The following CFAP299 variants were observed in gnomAD, a reference collection of about 807,000 sequenced individuals.
The protein encoded by CFAP299 is cilia- and flagella-associated protein 299.
Under a neutral mutation model 27.0 loss-of-function variants are expected in CFAP299, and 21 were observed. That is an observed-to-expected ratio of 0.78 (90% confidence interval 0.55 to 1.12). CFAP299 has a LOEUF of 1.12. CFAP299 is among the 50% of genes most tolerant of loss of function. CFAP299 has a pLI of 0.00. For synonymous variants in CFAP299, 104 were observed against 98.1 expected (o/e 1.06, Z -0.36); for missense variants, 310 against 276.6 (o/e 1.12, Z -0.86).
chr4:80,775,114 C>T (rs1274043462), intron 3 of CFAP299, among the ~76,000 whole-genome samples: 1 of 150,316 alleles, frequency 6.7e-6, no homozygotes, highest in South Asian at 2.1e-4. Context: ...AAACTATTTT[C>T]AAAGAGTAAT....
At chr4:80,827,154 C>T (rs1012041745) in intron 3 of CFAP299, among the ~76,000 whole-genome samples, 20 of 151,736 alleles carry the variant, frequency 1.3e-4, no homozygotes, top group African/African-American at 4.8e-4. Flanking sequence ...TCATATAAAT[C>T]TATCTGAAAC....
chr4:80,368,323 G>A (rs1723946872), intron 2 of CFAP299, among the ~76,000 whole-genome samples: 1 of 152,132 alleles, frequency 6.6e-6, no homozygotes, highest in African/African-American at 2.4e-5. Context: ...GTGATTTAGA[G>A]TAGGGCTCTT....
intron 3 of CFAP299, among the ~76,000 whole-genome samples, chr4:80,819,912 C>A (rs1729613578): frequency 6.6e-6 from 1 of 152,142 alleles, no homozygotes; most frequent in South Asian, 2.1e-4. Flanking sequence ...AGCCAAAGTT[C>A]TTGAGAACCA....
At chr4:80,861,243 C>T (rs1043151381) in intron 3 of CFAP299, among the ~76,000 whole-genome samples, 5 of 152,264 alleles carry the variant, frequency 3.3e-5, no homozygotes, top group South Asian at 2.1e-4. Flanking sequence ...CCTGGTGCGC[C>T]GTTTTTTAAG....
At chr4:80,489,551 G>T (rs1731009396) in intron 2 of CFAP299, among the ~76,000 whole-genome samples, 1 of 152,150 alleles carries the variant, frequency 6.6e-6, no homozygotes, top group African/African-American at 2.4e-5. Flanking sequence ...AGAGTGCCTA[G>T]GGAAAGACGT....
At chr4:80,701,830 T>C (rs1160904992) in intron 3 of CFAP299, among the ~76,000 whole-genome samples, 1 of 152,028 alleles carries the variant, frequency 6.6e-6, no homozygotes, top group East Asian at 1.9e-4. Flanking sequence ...TGAAATAGAA[T>C]GATTATAAAC....
chr4:80,472,481 AT>A (rs1408594317), intron 2 of CFAP299, among the ~76,000 whole-genome samples: 6 of 152,248 alleles, frequency 3.9e-5, no homozygotes, highest in African/African-American at 1.4e-4. Context: ...TGGCCTTTTG[AT>A]TTCTATATTC....
chr4:80,621,292 T>C (rs1001870269), intron 3 of CFAP299, among the ~76,000 whole-genome samples: 3 of 152,142 alleles, frequency 2.0e-5, no homozygotes, highest in African/African-American at 4.8e-5. Flanking sequence ...TCTATTAGGA[T>C]AGTTTATGAA....
intron 2 of CFAP299, among the ~76,000 whole-genome samples, chr4:80,449,754 C>G (rs1728809384): frequency 6.6e-6 from 1 of 151,490 alleles, no homozygotes; most frequent in Non-Finnish European, 1.5e-5. Flanking sequence ...ATGCCAAAAC[C>G]TAGAAAGAAC....
chr4:80,392,003 AC>A (rs775567403), intron 2 of CFAP299, among the ~76,000 whole-genome samples: 3 of 152,198 alleles, frequency 2.0e-5, no homozygotes, highest in Non-Finnish European at 2.9e-5. Flanking sequence ...TGCATTTGAG[AC>A]ATGGAGTCAA....
At chr4:80,459,086 T>A (rs1208140072) in intron 2 of CFAP299, among the ~76,000 whole-genome samples, 1 of 152,040 alleles carries the variant, frequency 6.6e-6, no homozygotes, top group African/African-American at 2.4e-5. Context: ...GCTTAATAGA[T>A]CCTCCCACCT....
chr4:80,893,069 A>G (rs1001876242), intron 4 of CFAP299, among the ~76,000 whole-genome samples: 43 of 151,930 alleles, frequency 2.8e-4, no homozygotes, highest in African/African-American at 9.9e-4. Flanking sequence ...TAAAAAACAG[A>G]TGCATTATAT....
chr4:80,791,950 G>A (rs1355677158), intron 3 of CFAP299, among the ~76,000 whole-genome samples: 2 of 151,352 alleles, frequency 1.3e-5, no homozygotes, highest in Non-Finnish European at 2.9e-5. Flanking sequence ...CAGGGAGCGG[G>A]GTTATCAAAA....
chr4:80,935,011 T>A (rs960543726), intron 4 of CFAP299, among the ~76,000 whole-genome samples: 2 of 152,066 alleles, frequency 1.3e-5, no homozygotes, highest in Non-Finnish European at 2.9e-5. Flanking sequence ...CTTATCACTA[T>A]GAAGTCCCTT....
chr4:80,639,025 C>T (rs571221703), intron 3 of CFAP299, among the ~76,000 whole-genome samples: 1 of 152,208 alleles, frequency 6.6e-6, no homozygotes, highest in South Asian at 2.1e-4. Context: ...TCTTTGGTGT[C>T]TCTTCTTATA....
At chr4:80,854,356 G>C (rs1731702805) in intron 3 of CFAP299, among the ~76,000 whole-genome samples, 3 of 150,920 alleles carry the variant, frequency 2.0e-5, no homozygotes, top group Admixed American at 2.0e-4. Flanking sequence ...TCTGCTATAA[G>C]GAGAAGCAGA....
At chr4:80,574,806 G>C (rs1019170632) in intron 2 of CFAP299, among the ~76,000 whole-genome samples, 1 of 152,058 alleles carries the variant, frequency 6.6e-6, no homozygotes, top group Non-Finnish European at 1.5e-5. Context: ...CCTGGGATAA[G>C]TTCCACTTGG....
In CFAP299 at chr4:80,944,852, T is replaced by C. The variant is rs1411622732; in HGVS notation, c.519T>C (p.Ser173=). The C allele has an allele frequency of 1.2e-6, 2 of 1,610,998 alleles. No homozygotes were observed. The highest frequency in any genetic ancestry group is 1.7e-4 in the Middle Eastern group (1 of 6,048). ...CTGATATTGCTGTTAGTAATTCAAG[T>C]CCCAACTATCAAGTGATTGCCGATA... ...WDADIAVSNS[S]PNYQVIADNP... The change falls in exon 5 of 6, where the codon AGT becomes AGC. Residue 173 remains serine, a synonymous_variant. Coordinates refer to ENST00000358105, the MANE Select transcript of CFAP299 (RefSeq NM_152770.3).
chr4:80,537,510 A>G (rs1733801681), intron 2 of CFAP299, among the ~76,000 whole-genome samples: 1 of 152,198 alleles, frequency 6.6e-6, no homozygotes, highest in South Asian at 2.1e-4. Flanking sequence ...CAGCCTTAAG[A>G]AAAGAAAATC....
Sources: gnomAD v4.1 joint callset for allele counts (sites outside exome capture counted in the v4.1 genomes callset) on GRCh38, gnomAD v4.1.1 for gene constraint, MANE v1.5 for transcripts, NCBI Gene and HGNC (gene_info 2026-07-23, HGNC 2026-07-21) for gene names.